The following PPM1E variants were observed in gnomAD, a reference collection of about 807,000 sequenced individuals.
PPM1E encodes the protein protein phosphatase 1E.
In PPM1E, 20 loss-of-function variants were observed where a neutral mutation model predicts 65.9. That is an observed-to-expected ratio of 0.30 (90% CI 0.21 to 0.44). The LOEUF (loss-of-function observed/expected upper bound fraction) is 0.44. PPM1E is among the 20% of genes least tolerant of loss of function. PPM1E has a pLI of 1.00. For missense variants in PPM1E, 713 were observed against 953.1 expected (o/e 0.75, Z 3.32); for synonymous variants, 352 against 374.9 (o/e 0.94, Z 0.70).
intron 1 of PPM1E, among the ~76,000 whole-genome samples, chr17:58,926,693 T>G (rs573336005): frequency 4.1e-4 from 62 of 152,216 alleles, no homozygotes; most frequent in Non-Finnish European, 6.8e-4. Flanking sequence ...AAGCTGATTT[T>G]TTTTTAAATT....
chr17:58,886,974 A>G (rs1314658272), intron 1 of PPM1E, among the ~76,000 whole-genome samples: 1 of 152,156 alleles, frequency 6.6e-6, no homozygotes, highest in Non-Finnish European at 1.5e-5. Context: ...TAAAAAGTCT[A>G]TTAAAAATAT....
chr17:58,795,692 A>G (rs1261423155), intron 1 of PPM1E, among the ~76,000 whole-genome samples: 1 of 152,208 alleles, frequency 6.6e-6, no homozygotes, highest in Non-Finnish European at 1.5e-5. Context: ...AGACAGAGTG[A>G]GACGCTGTTT....
chr17:58,916,310 AG>A, intron 1 of PPM1E, among the ~76,000 whole-genome samples: 1 of 152,210 alleles, frequency 6.6e-6, no homozygotes, highest in Admixed American at 6.6e-5. Context: ...ATAAATAGAA[AG>A]TAATAGGATA....
intron 1 of PPM1E, among the ~76,000 whole-genome samples, chr17:58,790,665 G>A (rs1437772935): frequency 3.3e-5 from 5 of 152,110 alleles, no homozygotes; most frequent in African/African-American, 4.8e-5. Context: ...GTTGCAAGAA[G>A]CTCAAGCCAC....
At chr17:58,897,255 A>C (rs1228913453) in intron 1 of PPM1E, among the ~76,000 whole-genome samples, 2 of 152,058 alleles carry the variant, frequency 1.3e-5, no homozygotes, top group East Asian at 3.9e-4. Context: ...TTTACTAAAA[A>C]TACAAAAAAT....
chr17:58,873,311 C>G (rs1043884837), intron 1 of PPM1E, among the ~76,000 whole-genome samples: 1 of 152,110 alleles, frequency 6.6e-6, no homozygotes, highest in African/African-American at 2.4e-5. Flanking sequence ...ATCAACATTA[C>G]TGTTTTTCTA....
chr17:58,757,779 C>G (rs1176675725), intron 1 of PPM1E, among the ~76,000 whole-genome samples: 1 of 152,016 alleles, frequency 6.6e-6, no homozygotes, highest in Non-Finnish European at 1.5e-5. Context: ...ATAATATAAG[C>G]TATCTAAAAT....
At chr17:58,884,164 G>C (rs1375880656) in intron 1 of PPM1E, among the ~76,000 whole-genome samples, 1 of 152,158 alleles carries the variant, frequency 6.6e-6, no homozygotes, top group Non-Finnish European at 1.5e-5. Flanking sequence ...TGGTCACCTG[G>C]AGATGTGGAA....
intron 1 of PPM1E, among the ~76,000 whole-genome samples, chr17:58,792,990 C>T (rs11871453): frequency 0.3 from 45,085 of 151,224 alleles, 7,174 homozygotes; most frequent in Middle Eastern, 0.49. Context: ...CCTCATGATC[C>T]GCCCGCCTTG....
intron 2 of PPM1E, among the ~76,000 whole-genome samples, chr17:58,958,168 A>C (rs905704903): frequency 6.6e-6 from 1 of 152,058 alleles, no homozygotes; most frequent in African/African-American, 2.4e-5. Context: ...CCAATTTGAA[A>C]TATCACAGTG....
At chr17:58,775,136 A>G (rs1199734112) in intron 1 of PPM1E, among the ~76,000 whole-genome samples, 1 of 152,032 alleles carries the variant, frequency 6.6e-6, no homozygotes, top group Non-Finnish European at 1.5e-5. Context: ...CAGGTGTGAT[A>G]AAATAGTTTT....
intron 1 of PPM1E, among the ~76,000 whole-genome samples, chr17:58,883,527 A>G (rs1394547656): frequency 8.1e-6 from 1 of 123,864 alleles, no homozygotes; most frequent in South Asian, 2.5e-4. Flanking sequence ...TCTGTCGCCC[A>G]GGCTGGAGTG....
At chr17:58,765,167 TTTTC>T (rs1459381239) in intron 1 of PPM1E, among the ~76,000 whole-genome samples, 9 of 150,774 alleles carry the variant, frequency 6.0e-5, no homozygotes, top group South Asian at 2.1e-4. Context: ...TAATGAACAT[TTTTC>T]TTTCTTTCTT....
At chr17:58,965,938 C>G in intron 3 of PPM1E, 45 bp downstream of exon 3, 1 of 1,551,978 alleles carries the variant, frequency 6.4e-7, no homozygotes, top group Non-Finnish European at 8.9e-7. Flanking sequence ...AAAGACAAAA[C>G]AAACACCTTC....
intron 1 of PPM1E, among the ~76,000 whole-genome samples, chr17:58,934,108 A>G (rs916172333): frequency 1.9e-4 from 28 of 151,294 alleles, no homozygotes; most frequent in East Asian, 5.8e-4. Context: ...AAAAAAAAAA[A>G]AGAGAGATGG....
At chr17:58,795,092 G>A (rs949559253) in intron 1 of PPM1E, among the ~76,000 whole-genome samples, 8 of 151,836 alleles carry the variant, frequency 5.3e-5, no homozygotes, top group Non-Finnish European at 7.4e-5. Context: ...GGGTTTCACC[G>A]TGTTGGTCAG....
At chr17:58,841,301 C>T (rs1355995497) in intron 1 of PPM1E, among the ~76,000 whole-genome samples, 2 of 152,034 alleles carry the variant, frequency 1.3e-5, no homozygotes, top group Non-Finnish European at 2.9e-5. Context: ...CTTCCAGAGT[C>T]CCTTATGAAA....
chr17:58,830,496 C>T (rs1389784529), intron 1 of PPM1E, among the ~76,000 whole-genome samples: 4 of 151,440 alleles, frequency 2.6e-5, no homozygotes, highest in East Asian at 3.9e-4. Context: ...TTAGTAGAGA[C>T]GGGGTTTCAC....
chr17:58,884,877 T>C (rs1003468034), intron 1 of PPM1E, among the ~76,000 whole-genome samples: 1 of 133,200 alleles, frequency 7.5e-6, no homozygotes, highest in Admixed American at 7.0e-5. Flanking sequence ...TCATTATCAA[T>C]ATTATCTTCC....
Sources: allele counts gnomAD v4.1 joint callset (sites outside exome capture counted in the v4.1 genomes callset), GRCh38; gene constraint gnomAD v4.1.1; transcripts MANE v1.5; gene names NCBI Gene and HGNC (gene_info 2026-07-23, HGNC 2026-07-21).